Variants in ST14 observed in about 807,000 individuals in gnomAD.
ST14 encodes the protein suppressor of tumorigenicity 14 protein.
ST14 carries 40 observed loss-of-function variants against 96.5 expected under a neutral mutation model. The ratio of observed to expected loss-of-function variants is 0.41; its 90% CI spans 0.32 to 0.54. The LOEUF is 0.54. Among genes scored for constraint, ST14 ranks in the 20% least tolerant of loss-of-function variants. The probability of loss-of-function intolerance (pLI) is 0.17; values close to 1 mark genes in which losing one functional copy is unlikely to be tolerated. For synonymous variants in ST14, 506 were observed against 492.1 expected (o/e 1.03, Z -0.37); for missense variants, 1,066 against 1,188.9 (o/e 0.90, Z 1.52).
Position 130,194,297 on chromosome 11 carries a change from G to A in ST14, c.1015+9G>A, listed in dbSNP as rs1465753171. On this transcript the variant is annotated intron_variant, in intron 8 of 18. Transcript: ENST00000278742. The stretch of plus-strand genomic sequence containing the variant: ...GCTGCCTAGGATGAGCAGTAAGGAA[G>A]GGCAGGGCAGGGCGGGACTGCCCTC... 6.2e-7 allele frequency: 1 copy of A among 1,613,984 alleles called. No individual in the cohort carries two copies. Among genetic ancestry groups the A allele is most frequent in the Non-Finnish European group, 8.5e-7 (1 of 1,179,964 alleles).
intron 16 of ST14, among the ~76,000 whole-genome samples, chr11:130,201,705 G>A (rs187591666): frequency 1.6e-4 from 25 of 152,372 alleles, no homozygotes; most frequent in Non-Finnish European, 2.9e-4. Flanking sequence ...TCAGCCTCCT[G>A]AGTAGCTGGG....
intron 7 of ST14, among the ~76,000 whole-genome samples, chr11:130,191,591 A>G (rs1221420870): frequency 6.6e-6 from 1 of 151,108 alleles, no homozygotes; most frequent in South Asian, 2.1e-4. Context: ...TCGGGAGGCC[A>G]AGGCGGGAGA....
At position 130,190,072 on chromosome 11, in the gene ST14, A is replaced by T. The variant is rs369423858; in HGVS notation, c.599-41A>T. 3.7e-6 allele frequency: 6 copies of T among 1,613,824 alleles called. No homozygotes were observed. The African/African-American group carries it at 4.0e-5, about 11-fold the overall frequency. ...TAAGGAAGCAGGAATAAGGAAATGGATTGTATCAGGAAATGCTTTATTCTC... is the reference window on the plus strand; with the variant it reads ...TAAGGAAGCAGGAATAAGGAAATGGTTTGTATCAGGAAATGCTTTATTCTC... On this transcript the variant is annotated intron_variant, in intron 5 of 18. Transcript: ENST00000278742.
Position 130,190,623 on chromosome 11 carries a change from C to T in ST14, c.804C>T (p.Cys268=), listed in dbSNP as rs370962804. ...TCCGCAGCTTTGACCTTGCGTCCTGCGACGAGCGCGGCAGCGACCTGGTGA... is the reference window on the plus strand; with the variant it reads ...TCCGCAGCTTTGACCTTGCGTCCTGTGACGAGCGCGGCAGCGACCTGGTGA... ...LTFRSFDLAS[C]DERGSDLVTV... Residue 268 remains cysteine (C), a synonymous_variant, in exon 7 of 19, where the codon TGC becomes TGT. Transcript: ENST00000278742. 1.8e-5 allele frequency: 29 copies of T among 1,611,860 alleles called. No homozygotes were observed. In the Middle Eastern group the frequency reaches 1.2e-3, roughly 64 times the overall value.
At chr11:130,208,915 G>A (rs1335452028) in intron 17 of ST14, among the ~76,000 whole-genome samples, 1 of 152,184 alleles carries the variant, frequency 6.6e-6, no homozygotes, top group African/African-American at 2.4e-5. Flanking sequence ...GAGTGACCTT[G>A]AGCGAGTTGC....
intron 16 of ST14, among the ~76,000 whole-genome samples, chr11:130,205,167 C>T (rs1565629025): frequency 6.6e-6 from 1 of 151,936 alleles, no homozygotes; most frequent in African/African-American, 2.4e-5. Context: ...TCACTCTGTC[C>T]CCAGGCTGGA....
chr11:130,173,959 G>A (rs1158718772), intron 1 of ST14, among the ~76,000 whole-genome samples: 1 of 152,160 alleles, frequency 6.6e-6, no homozygotes, highest in Non-Finnish European at 1.5e-5. Context: ...TAAAGCTTCT[G>A]GTAGTTTCCA....
Position 130,176,683 on chromosome 11 carries a change from C to T in ST14, c.82-11431C>T, listed in dbSNP as rs116651500. 6.0e-3 allele frequency among the ~76,000 whole-genome samples: 899 copies of T among 150,648 alleles called. 14 individuals carry two copies. The highest frequency in any genetic ancestry group is 0.02 in the African/African-American group (809 of 41,024). Reference sequence around the variant, plus strand: ...GATTACAGGCTTGAGCCACCGCACCCGACCTACTTTTCCTTAAAATTCCTT... The same window carrying T: ...GATTACAGGCTTGAGCCACCGCACCTGACCTACTTTTCCTTAAAATTCCTT... On this transcript the variant is annotated intron_variant, in intron 1 of 18. Coordinates refer to ENST00000278742, the MANE Select transcript of ST14 (RefSeq NM_021978.4).
chr11:130,174,172 G>A (rs1285951475), intron 1 of ST14, among the ~76,000 whole-genome samples: 1 of 152,160 alleles, frequency 6.6e-6, no homozygotes, highest in African/African-American at 2.4e-5. Flanking sequence ...AGCCCCAGGA[G>A]CTGCTTTTCC....
chr11:130,180,074 C>T (rs575270073), intron 1 of ST14, among the ~76,000 whole-genome samples: 44 of 152,178 alleles, frequency 2.9e-4, no homozygotes, highest in Non-Finnish European at 3.7e-4. Flanking sequence ...GATTGAAATC[C>T]GTCCCACCTT....
intron 9 of ST14, 143 bp from the exon 10 acceptor site, chr11:130,196,196 C>T (rs549901090): frequency 7.4e-5 from 52 of 706,756 alleles, no homozygotes; most frequent in East Asian, 7.3e-4. Flanking sequence ...CAAACAAACA[C>T]GCTGGGAGAA....
chr11:130,165,453 T>C (rs934065034), intron 1 of ST14, among the ~76,000 whole-genome samples: 13 of 152,348 alleles, frequency 8.5e-5, no homozygotes, highest in African/African-American at 2.9e-4. Flanking sequence ...CTTTTTGCTT[T>C]GTTAAGAATC....
At chr11:130,185,406 A>G (rs1301974479) in intron 1 of ST14, among the ~76,000 whole-genome samples, 1 of 152,190 alleles carries the variant, frequency 6.6e-6, no homozygotes, top group East Asian at 1.9e-4. Context: ...CAGGAAAATC[A>G]CTTTGGGAGG....
At chr11:130,191,800 G>A (rs1052983960) in intron 7 of ST14, among the ~76,000 whole-genome samples, 5 of 152,158 alleles carry the variant, frequency 3.3e-5, no homozygotes, top group Admixed American at 6.5e-5. Flanking sequence ...AGTAGGCTCC[G>A]GGGCATAGGA....
At chr11:130,194,870 G>GTT in intron 9 of ST14, 133 bp downstream of exon 9, 1 of 838,392 alleles carries the variant, frequency 1.2e-6, no homozygotes, top group South Asian at 1.5e-5. Context: ...GTGTGTGTGT[G>GTT]TGTGTGCGTA....
chr11:130,172,964 G>T (rs12576109), intron 1 of ST14, among the ~76,000 whole-genome samples: 7,013 of 152,240 alleles, frequency 0.046, 192 homozygotes, highest in East Asian at 0.15. Context: ...CTTCAGTGAG[G>T]ACTGCCTGAC....
rs1440228353 is a variant in ST14 at position 130,209,817 on chromosome 11, G to A, written c.2562G>A (p.Gly854=). 2 of 1,613,814 alleles carry A rather than the reference G, an allele frequency of 1.2e-6. No individual in the cohort carries two copies. Among genetic ancestry groups the A allele is most frequent in the Non-Finnish European group, 1.7e-6 (2 of 1,180,026 alleles). ...LFRDWIKENT[G]V The stretch of plus-strand genomic sequence containing the variant: ...GGGACTGGATCAAAGAGAACACTGG[G>A]GTATAGGGGCCGGGGCCACCCAAAT... The change falls in exon 19 of 19, where the codon GGG becomes GGA. Residue 854 remains glycine, a synonymous_variant. Coordinates refer to ENST00000278742, the MANE Select transcript of ST14 (RefSeq NM_021978.4).
At chr11:130,171,576 G>A (rs572202166) in intron 1 of ST14, among the ~76,000 whole-genome samples, 1 of 152,200 alleles carries the variant, frequency 6.6e-6, no homozygotes, top group Admixed American at 6.5e-5. Flanking sequence ...ATATTGGGGG[G>A]GTCTCTTGAG....
chr11:130,204,724 G>A (rs540801937), intron 16 of ST14, among the ~76,000 whole-genome samples: 2 of 152,314 alleles, frequency 1.3e-5, no homozygotes, highest in East Asian at 1.9e-4. Context: ...TGAGGTGGGA[G>A]GATCGCTTGA....
Sources: allele counts gnomAD v4.1 joint callset (sites outside exome capture counted in the v4.1 genomes callset), GRCh38; gene constraint gnomAD v4.1.1; transcripts MANE v1.5; gene names NCBI Gene and HGNC (gene_info 2026-07-23, HGNC 2026-07-21).